FLI1: variants seen among roughly 807,000 people sequenced by gnomAD.
FLI1 encodes Fli-1 proto-oncogene, ETS transcription factor.
In FLI1, 13 loss-of-function variants were observed where a neutral mutation model predicts 53.1. That is an observed-to-expected ratio of 0.24 (90% CI 0.16 to 0.39). The LOEUF is 0.39. FLI1 is among the 10% of genes least tolerant of loss of function. The pLI, the probability that FLI1 is intolerant of heterozygous loss-of-function variation, is 1.00. For synonymous variants in FLI1, 244 were observed against 236.7 expected, an observed-to-expected ratio of 1.03 and a Z score of -0.28; for missense variants, 424 against 600.5, an observed-to-expected ratio of 0.71 and a Z score of 3.07.
chr11:128,801,072 C>A (rs559473929), intron 5 of FLI1, among the ~76,000 whole-genome samples: 1 of 152,226 alleles, frequency 6.6e-6, no homozygotes, highest in Non-Finnish European at 1.5e-5. Context: ...CTGGTGCCGA[C>A]GGCCACATTT....
chr11:128,720,548 A>C (rs909426817), intron 1 of FLI1, among the ~76,000 whole-genome samples: 2 of 152,112 alleles, frequency 1.3e-5, no homozygotes, highest in African/African-American at 4.8e-5. Flanking sequence ...TGTGCCTCTT[A>C]ATGCAGCCCA....
At chr11:128,720,580 G>A (rs528910200) in intron 1 of FLI1, among the ~76,000 whole-genome samples, 69 of 152,272 alleles carry the variant, frequency 4.5e-4, no homozygotes, top group African/African-American at 1.6e-3. Flanking sequence ...GTCCAAGACC[G>A]GATTGCAGGC....
intron 1 of FLI1, among the ~76,000 whole-genome samples, chr11:128,687,192 G>C (rs1195814540): frequency 1.3e-5 from 2 of 152,242 alleles, no homozygotes; most frequent in African/African-American, 4.8e-5. Context: ...CTCAGTCCTC[G>C]AGCCCACCTT....
intron 1 of FLI1, among the ~76,000 whole-genome samples, chr11:128,723,329 A>G (rs114399056): frequency 1.1e-3 from 164 of 152,198 alleles, no homozygotes; most frequent in African/African-American, 3.9e-3. Flanking sequence ...CTCATGTAGG[A>G]GGGCTTCATG....
chr11:128,698,506 A>C (rs886583307), intron 1 of FLI1, among the ~76,000 whole-genome samples: 7 of 152,090 alleles, frequency 4.6e-5, no homozygotes, highest in Non-Finnish European at 7.4e-5. Context: ...TGAATTTCTC[A>C]CTTTATGGGT....
intron 1 of FLI1, among the ~76,000 whole-genome samples, chr11:128,742,770 T>C (rs1591771474): frequency 6.6e-6 from 1 of 152,246 alleles, no homozygotes; most frequent in Admixed American, 6.5e-5. Flanking sequence ...GTAAAGGTTT[T>C]TGTTTCTTGA....
At chr11:128,798,781 T>A (rs1779427475) in intron 5 of FLI1, among the ~76,000 whole-genome samples, 1 of 152,116 alleles carries the variant, frequency 6.6e-6, no homozygotes. Context: ...TAATAGCCCC[T>A]CTAGAATGGT....
chr11:128,783,576 AC>A (rs1434921420), intron 5 of FLI1, among the ~76,000 whole-genome samples: 1 of 152,080 alleles, frequency 6.6e-6, no homozygotes, highest in African/African-American at 2.4e-5. Flanking sequence ...TCACTTTTTG[AC>A]CTATTTTAAT....
chr11:128,738,080 A>G (rs1939981193), intron 1 of FLI1, among the ~76,000 whole-genome samples: 3 of 152,200 alleles, frequency 2.0e-5, no homozygotes, highest in Admixed American at 2.0e-4. Context: ...TGTCATTATT[A>G]CAGTATAATT....
At chr11:128,759,969 G>A (rs1941043834) in intron 2 of FLI1, among the ~76,000 whole-genome samples, 1 of 152,140 alleles carries the variant, frequency 6.6e-6, no homozygotes, top group South Asian at 2.1e-4. Context: ...ACCTGCCTGT[G>A]GGAACTGCCA....
chr11:128,758,665 GCTA>G (rs1315471445), intron 2 of FLI1, among the ~76,000 whole-genome samples: 25 of 152,326 alleles, frequency 1.6e-4, no homozygotes, highest in Non-Finnish European at 4.4e-5. Flanking sequence ...TTAGCAATAA[GCTA>G]CTCTTCCCTG....
At chr11:128,773,140 G>T (rs538487338) in intron 4 of FLI1, among the ~76,000 whole-genome samples, 155 bp downstream of exon 4, 1 of 152,176 alleles carries the variant, frequency 6.6e-6, no homozygotes, top group Non-Finnish European at 1.5e-5. Flanking sequence ...GGCTCCTACA[G>T]ACCCTGTGAG....
chr11:128,751,818 T>A (rs1367890013), intron 1 of FLI1, among the ~76,000 whole-genome samples: 2 of 150,476 alleles, frequency 1.3e-5, no homozygotes, highest in African/African-American at 2.5e-5. Flanking sequence ...GTGGGTTTTT[T>A]TTTTTGGGTT....
At chr11:128,739,168 G>A (rs1037531241) in intron 1 of FLI1, among the ~76,000 whole-genome samples, 1 of 152,282 alleles carries the variant, frequency 6.6e-6, no homozygotes, top group Admixed American at 6.5e-5. Flanking sequence ...GAGACAGGCA[G>A]GCACTCCTCC....
intron 1 of FLI1, among the ~76,000 whole-genome samples, chr11:128,702,632 C>T (rs1314512154): frequency 1.3e-5 from 2 of 152,122 alleles, no homozygotes; most frequent in African/African-American, 4.8e-5. Flanking sequence ...GAGGCCAAGG[C>T]GGGTGGATCA....
At chr11:128,694,311 A>T (rs966176013) in intron 1 of FLI1, 35 bp downstream of exon 1, 1 of 1,325,250 alleles carries the variant, frequency 7.5e-7, no homozygotes, top group African/African-American at 1.5e-5. Flanking sequence ...GGCGGCGGGG[A>T]CCGGCCGGGG....
At chr11:128,787,540 T>C (rs1942127523) in intron 5 of FLI1, among the ~76,000 whole-genome samples, 1 of 152,194 alleles carries the variant, frequency 6.6e-6, no homozygotes, top group Non-Finnish European at 1.5e-5. Flanking sequence ...TTCAGCATTA[T>C]AGCATACTGA....
At chr11:128,695,450 T>A (rs1196585632) in intron 1 of FLI1, among the ~76,000 whole-genome samples, 1 of 151,950 alleles carries the variant, frequency 6.6e-6, no homozygotes, top group Non-Finnish European at 1.5e-5. Flanking sequence ...AGCCCGCCAT[T>A]CCCCAGAACC....
intron 1 of FLI1, among the ~76,000 whole-genome samples, chr11:128,703,393 AT>A (rs1938419465): frequency 6.6e-6 from 1 of 152,244 alleles, no homozygotes; most frequent in Non-Finnish European, 1.5e-5. Context: ...GTTGGAAATA[AT>A]CTAAATGTCC....
Sources: gnomAD v4.1 joint callset for allele counts (sites outside exome capture counted in the v4.1 genomes callset) on GRCh38, gnomAD v4.1.1 for gene constraint, MANE v1.5 for transcripts, NCBI Gene and HGNC (gene_info 2026-07-23, HGNC 2026-07-21) for gene names.